The following NRG3 variants were observed in gnomAD, a reference collection of about 807,000 sequenced individuals.
The protein encoded by NRG3 is pro-neuregulin-3, membrane-bound isoform.
NRG3 carries 31 observed loss-of-function variants against 66.9 expected under a neutral mutation model. The observed-to-expected ratio is 0.46, with a 90% CI of 0.35 to 0.63. NRG3 has a LOEUF of 0.63. Among genes scored for constraint, NRG3 ranks in the 20% least tolerant of loss-of-function variants. The pLI, the probability that NRG3 is intolerant of heterozygous loss-of-function variation, is 0.00. For synonymous variants in NRG3, 393 were observed against 359.4 expected, an observed-to-expected ratio of 1.09 and a Z score of -1.06; for missense variants, 910 against 878.9, an observed-to-expected ratio of 1.04 and a Z score of -0.45.
intron 2 of NRG3, among the ~76,000 whole-genome samples, chr10:82,478,220 C>A (rs1841960229): frequency 9.8e-6 from 1 of 102,480 alleles, no homozygotes; most frequent in Non-Finnish European, 2.0e-5. Context: ...TGAGTGTTGG[C>A]TTGTGTCACT....
At chr10:82,560,640 T>C (rs565429800) in intron 2 of NRG3, among the ~76,000 whole-genome samples, 32 of 151,126 alleles carry the variant, frequency 2.1e-4, no homozygotes, top group Non-Finnish European at 4.0e-4. Flanking sequence ...TTATTAAAAA[T>C]GTTAATCATA....
In NRG3 at chr10:82,785,604, T is replaced by C. The variant is rs76528653; in HGVS notation, c.1027+46954T>C. Among the ~76,000 whole-genome samples the C allele has an allele frequency of 9.5e-3, 1,454 of 152,284 alleles. 20 individuals are homozygous for C. The highest frequency in any genetic ancestry group is 0.032 in the African/African-American group (1,347 of 41,560). ...AGAATATGGTGGAATTATGTCTGTGTCCTTGGACTTTGCGGAAGGCAACAC... is the reference window on the plus strand; with the variant it reads ...AGAATATGGTGGAATTATGTCTGTGCCCTTGGACTTTGCGGAAGGCAACAC... On this transcript the variant is annotated intron_variant, in intron 3 of 8. Coordinates refer to ENST00000372141, the MANE Select transcript of NRG3 (RefSeq NM_001010848.4).
intron 1 of NRG3, among the ~76,000 whole-genome samples, chr10:81,965,647 G>T (rs1194450019): frequency 6.6e-6 from 1 of 152,010 alleles, no homozygotes; most frequent in Non-Finnish European, 1.5e-5. Flanking sequence ...TTTATCCTCA[G>T]ATATTTTACA....
At chr10:82,548,047 T>G (rs1465349191) in intron 2 of NRG3, among the ~76,000 whole-genome samples, 1 of 150,762 alleles carries the variant, frequency 6.6e-6, no homozygotes, top group Non-Finnish European at 1.5e-5. Context: ...ACGTTTTTTT[T>G]TTTTTTTTTT....
intron 2 of NRG3, among the ~76,000 whole-genome samples, chr10:82,543,039 A>C (rs1434975313): frequency 6.6e-6 from 1 of 152,026 alleles, no homozygotes; most frequent in East Asian, 1.9e-4. Context: ...TTACAGGGAC[A>C]TGCCACCATA....
intron 2 of NRG3, among the ~76,000 whole-genome samples, chr10:82,617,355 C>T (rs1346318727): frequency 6.6e-6 from 1 of 151,118 alleles, no homozygotes; most frequent in Non-Finnish European, 1.5e-5. Context: ...CACACACACA[C>T]CACACACATG....
At chr10:82,648,188 G>A (rs1273858604) in intron 2 of NRG3, among the ~76,000 whole-genome samples, 1 of 152,184 alleles carries the variant, frequency 6.6e-6, no homozygotes, top group Admixed American at 6.5e-5. Context: ...TGTGTAAGGT[G>A]TAAGAAAGGG....
At chr10:82,757,338 T>C (rs961598553) in intron 3 of NRG3, among the ~76,000 whole-genome samples, 3 of 152,058 alleles carry the variant, frequency 2.0e-5, no homozygotes, top group Non-Finnish European at 2.9e-5. Context: ...AGTGACAGAT[T>C]GAAAATAAAT....
intron 3 of NRG3, among the ~76,000 whole-genome samples, chr10:82,772,363 C>G (rs1818246352): frequency 6.6e-6 from 1 of 151,964 alleles, no homozygotes; most frequent in African/African-American, 2.4e-5. Flanking sequence ...AATGAGAATT[C>G]TTAGTACAAT....
At chr10:82,505,460 G>A (rs1844580450) in intron 2 of NRG3, among the ~76,000 whole-genome samples, 1 of 152,216 alleles carries the variant, frequency 6.6e-6, no homozygotes, top group African/African-American at 2.4e-5. Flanking sequence ...TGTGAGCCCT[G>A]AAGAGATAGA....
At chr10:82,245,177 G>A (rs1448696393) in intron 1 of NRG3, among the ~76,000 whole-genome samples, 1 of 152,176 alleles carries the variant, frequency 6.6e-6, no homozygotes, top group East Asian at 1.9e-4. Context: ...TGTGGGGGAT[G>A]GGAGGCAGTG....
At chr10:82,008,301 G>A (rs1424823694) in intron 1 of NRG3, among the ~76,000 whole-genome samples, 2 of 152,180 alleles carry the variant, frequency 1.3e-5, no homozygotes, top group African/African-American at 4.8e-5. Context: ...ACACTATTGA[G>A]TATGAGTTCG....
At position 81,986,118 on chromosome 10, in the gene NRG3, C is replaced by G. The variant is rs189173969; in HGVS notation, c.823+109955C>G. ...AAGGGCACAGTTTATTTTATATTAA[C>G]ATAATTATTAGTTAATTGTGAGATG... On this transcript the variant is annotated intron_variant, in intron 1 of 8. Coordinates refer to ENST00000372141, the MANE Select transcript of NRG3 (RefSeq NM_001010848.4). Among the ~76,000 whole-genome samples, 355 of 152,184 alleles carry G rather than the reference C, an allele frequency of 2.3e-3. 1 individual carries two copies. Among genetic ancestry groups the G allele is most frequent in the Non-Finnish European group, 4.4e-3 (296 of 67,996 alleles).
chr10:82,180,805 A>G (rs1185649814), intron 1 of NRG3, among the ~76,000 whole-genome samples: 1 of 151,874 alleles, frequency 6.6e-6, no homozygotes, highest in African/African-American at 2.4e-5. Flanking sequence ...TATTTGGAAG[A>G]TTTGAGAAGA....
At chr10:82,215,158 G>A (rs908370386) in intron 1 of NRG3, among the ~76,000 whole-genome samples, 1 of 152,132 alleles carries the variant, frequency 6.6e-6, no homozygotes, top group African/African-American at 2.4e-5. Context: ...ATAATAAGAT[G>A]TGAAGAATTA....
chr10:82,554,467 A>T (rs561954356), intron 2 of NRG3, among the ~76,000 whole-genome samples: 1 of 152,288 alleles, frequency 6.6e-6, no homozygotes, highest in East Asian at 1.9e-4. Context: ...ACTCTGAAGC[A>T]TTTGCAATGA....
At chr10:81,956,233 T>G (rs952123226) in intron 1 of NRG3, among the ~76,000 whole-genome samples, 4 of 152,056 alleles carry the variant, frequency 2.6e-5, no homozygotes, top group African/African-American at 7.3e-5. Flanking sequence ...CCTCTGGCCC[T>G]CTTAGGAGAT....
chr10:82,694,167 G>A (rs2055182269), intron 2 of NRG3, among the ~76,000 whole-genome samples: 5 of 151,984 alleles, frequency 3.3e-5, no homozygotes, highest in Admixed American at 3.3e-4. Flanking sequence ...AGCGCTGGTT[G>A]GTGCGTTTTT....
chr10:82,043,002 T>C (rs1720567852), intron 1 of NRG3, among the ~76,000 whole-genome samples: 1 of 152,044 alleles, frequency 6.6e-6, no homozygotes, highest in Non-Finnish European at 1.5e-5. Context: ...TTCTGCTATA[T>C]TTGTCATTAG....
Sources: gnomAD v4.1 joint callset for allele counts (sites outside exome capture counted in the v4.1 genomes callset) on GRCh38, gnomAD v4.1.1 for gene constraint, MANE v1.5 for transcripts, NCBI Gene and HGNC (gene_info 2026-07-23, HGNC 2026-07-21) for gene names.